Variants in TRAPPC9 observed in about 807,000 individuals in gnomAD.
TRAPPC9 encodes trafficking protein particle complex subunit 9.
TRAPPC9 carries 83 observed loss-of-function variants against 124.0 expected under a neutral mutation model. The ratio of observed to expected loss-of-function variants is 0.67; its 90% CI spans 0.56 to 0.80. The LOEUF is 0.80. Ranked by LOEUF, TRAPPC9 falls within the 30% of genes least tolerant of loss-of-function variation. The pLI, the probability that TRAPPC9 is intolerant of heterozygous loss-of-function variation, is 0.00. For missense variants in TRAPPC9, 1,302 were observed against 1,508.3 expected (o/e 0.86, Z 2.27); for synonymous variants, 638 against 617.5 (o/e 1.03, Z -0.49).
chr8:140,200,288 C>CCGGG (rs2131159766), intron 17 of TRAPPC9, among the ~76,000 whole-genome samples: 1 of 152,272 alleles, frequency 6.6e-6, no homozygotes, highest in African/African-American at 2.4e-5. Context: ...GCAAGGCCAA[C>CCGGG]CGGGACAAGA....
At chr8:140,075,169 C>T (rs1843431436) in intron 17 of TRAPPC9, among the ~76,000 whole-genome samples, 1 of 152,164 alleles carries the variant, frequency 6.6e-6, no homozygotes, top group Admixed American at 6.5e-5. Context: ...AAACACCACC[C>T]TTCTTTGCCT....
chr8:140,402,849 A>G (rs890373274), intron 6 of TRAPPC9, among the ~76,000 whole-genome samples: 3 of 152,192 alleles, frequency 2.0e-5, no homozygotes, highest in Admixed American at 2.0e-4. Flanking sequence ...ATTCAAATCA[A>G]AAAGAAAAAA....
At chr8:140,133,954 G>T (rs2061249497) in intron 17 of TRAPPC9, among the ~76,000 whole-genome samples, 1 of 149,364 alleles carries the variant, frequency 6.7e-6, no homozygotes, top group African/African-American at 2.5e-5. Flanking sequence ...ATTTATTATT[G>T]TTAAGATGCC....
In TRAPPC9 at chr8:140,283,917, T is replaced by C. The variant is rs369629465; in HGVS notation, c.2086A>G (p.Arg696Gly). Residue 696 changes from arginine (R) to glycine (G), a missense_variant, in exon 14 of 23, where the codon AGA becomes GGA. Physicochemically the swap from Arg to Gly is moderately radical, Grantham distance 125. Around this residue, in one of 3 missense-constraint regions of TRAPPC9, gnomAD observed 640 missense variants for 679.3 expected, o/e 0.94. Coordinates refer to ENST00000438773, the MANE Select transcript of TRAPPC9 (RefSeq NM_001160372.4). Reference sequence around the variant, plus strand: ...GGCAGAGAGGTGCTGATCTGCAGTCTTGGCAACGCGGGAATGACTTCCACT... The same window carrying C: ...GGCAGAGAGGTGCTGATCTGCAGTCCTGGCAACGCGGGAATGACTTCCACT... ...STVEVIPALP[R>G]LQISTSLPRS... is the part of the protein sequence containing the mutation. The C allele has an allele frequency of 3.5e-5, 56 of 1,614,030 alleles. No homozygotes were observed. Among genetic ancestry groups the C allele is most frequent in the Non-Finnish European group, 4.7e-5 (56 of 1,180,036 alleles).
chr8:139,946,523 C>T (rs1175657503), intron 19 of TRAPPC9, among the ~76,000 whole-genome samples: 1 of 152,064 alleles, frequency 6.6e-6, no homozygotes, highest in Non-Finnish European at 1.5e-5. Flanking sequence ...TGCTATTTAC[C>T]ATGAATGCTT....
At chr8:139,768,731 A>T (rs918608632) in intron 21 of TRAPPC9, among the ~76,000 whole-genome samples, 2 of 152,228 alleles carry the variant, frequency 1.3e-5, no homozygotes, top group African/African-American at 4.8e-5. Context: ...CAGCTCTATT[A>T]AATGTCTACT....
chr8:140,013,523 C>G (rs548745448), intron 18 of TRAPPC9, among the ~76,000 whole-genome samples: 1 of 152,362 alleles, frequency 6.6e-6, no homozygotes, highest in South Asian at 2.1e-4. Flanking sequence ...TCACCTGCTG[C>G]TGCCCAAACA....
At position 140,303,613 on chromosome 8, in the gene TRAPPC9, G is replaced by A. The variant is rs116435278; in HGVS notation, c.1623-2999C>T. Among the ~76,000 whole-genome samples the A allele has an allele frequency of 5.1e-3, 779 of 152,230 alleles. 7 individuals are homozygous for A. Among genetic ancestry groups the A allele is most frequent in the African/African-American group, 0.018 (735 of 41,534 alleles). ...CACGCTTGGCCACTACCATCTCTTC[G>A]CAATTAGCCTTGGGCCAAAAGCGCG... On this transcript the variant is annotated intron_variant, in intron 10 of 22. Transcript: ENST00000438773.
At chr8:139,800,156 C>A (rs1209193035) in intron 21 of TRAPPC9, among the ~76,000 whole-genome samples, 1 of 152,264 alleles carries the variant, frequency 6.6e-6, no homozygotes, top group African/African-American at 2.4e-5. Flanking sequence ...CGCTGGGGCG[C>A]CTTTGGCTGA....
intron 17 of TRAPPC9, among the ~76,000 whole-genome samples, chr8:140,045,652 A>C (rs922211095): frequency 9.2e-4 from 106 of 115,640 alleles, no homozygotes; most frequent in South Asian, 1.4e-3. Flanking sequence ...AAAAAAAAAA[A>C]AAAAAAACCA....
chr8:140,135,553 T>C (rs1356507632), intron 17 of TRAPPC9, among the ~76,000 whole-genome samples: 1 of 152,222 alleles, frequency 6.6e-6, no homozygotes, highest in Non-Finnish European at 1.5e-5. Flanking sequence ...AAATACTGTA[T>C]AATTCCACAT....
chr8:139,825,917 G>C lies in TRAPPC9; in HGVS notation c.3055+59962C>G, dbSNP rs1825593481. 6.6e-6 allele frequency among the ~76,000 whole-genome samples: 1 copy of C among 152,220 alleles called. No individual in the cohort carries two copies. Among genetic ancestry groups the C allele is most frequent in the Non-Finnish European group, 1.5e-5 (1 of 68,054 alleles). Reference sequence around the variant, plus strand: ...GCGCCATGCCAGGCTCTGGTGGGGAGAGGTGAGCATCGGATATAACCCGCC... The same window carrying C: ...GCGCCATGCCAGGCTCTGGTGGGGACAGGTGAGCATCGGATATAACCCGCC... On this transcript the variant is annotated intron_variant, in intron 21 of 22. Coordinates refer to ENST00000438773, the MANE Select transcript of TRAPPC9 (RefSeq NM_001160372.4). This position sits in a 1 kb window ranked among gnomAD's most constrained non-coding sequence, Gnocchi z 4.6.
intron 19 of TRAPPC9, among the ~76,000 whole-genome samples, chr8:139,965,044 A>G (rs1489066505): frequency 6.6e-6 from 1 of 152,126 alleles, no homozygotes; most frequent in Non-Finnish European, 1.5e-5. Flanking sequence ...GTCTATTCCA[A>G]GTCAGCCCAG....
At chr8:140,205,336 CATTT>C (rs533009901) in intron 17 of TRAPPC9, among the ~76,000 whole-genome samples, 76 of 152,230 alleles carry the variant, frequency 5.0e-4, no homozygotes, top group African/African-American at 1.7e-3. Flanking sequence ...TAAATGTGTT[CATTT>C]ATTTTTTGCT....
chr8:140,395,954 C>T (rs1055197725), intron 7 of TRAPPC9, among the ~76,000 whole-genome samples: 1 of 152,084 alleles, frequency 6.6e-6, no homozygotes, highest in Non-Finnish European at 1.5e-5. Context: ...TGACCCTTTC[C>T]ACGTAGACTC....
intron 16 of TRAPPC9, among the ~76,000 whole-genome samples, chr8:140,251,987 A>AAT (rs1251444856): frequency 2.0e-5 from 3 of 152,130 alleles, no homozygotes; most frequent in Admixed American, 1.3e-4. Flanking sequence ...CACTGCCTCC[A>AAT]AATGAATGCT....
At chr8:139,861,597 T>C (rs1828161010) in intron 21 of TRAPPC9, among the ~76,000 whole-genome samples, 1 of 152,226 alleles carries the variant, frequency 6.6e-6, no homozygotes, top group Non-Finnish European at 1.5e-5. Flanking sequence ...GAGCTGAACA[T>C]ACTGACGTAT....
chr8:140,452,645 G>A (rs1046672575), intron 1 of TRAPPC9, among the ~76,000 whole-genome samples: 1 of 152,060 alleles, frequency 6.6e-6, no homozygotes, highest in Non-Finnish European at 1.5e-5. Flanking sequence ...TGATTCCCCA[G>A]AGCTGGGGAA....
intron 5 of TRAPPC9, among the ~76,000 whole-genome samples, chr8:140,421,506 T>A (rs767106263): frequency 1.3e-5 from 2 of 152,204 alleles, no homozygotes; most frequent in African/African-American, 4.8e-5. Context: ...GCTTTTTCTA[T>A]ACATCTGAGA....
Sources: gnomAD v4.1 joint callset for allele counts (sites outside exome capture counted in the v4.1 genomes callset) on GRCh38, gnomAD v4.1.1 for gene constraint, gnomAD v4.1.1 regional missense constraint, Gnocchi (gnomAD v3.1) non-coding constraint, MANE v1.5 for transcripts, NCBI Gene and HGNC (gene_info 2026-07-23, HGNC 2026-07-21) for gene names.